The following SYPL1 variants were observed in gnomAD, a reference collection of about 807,000 sequenced individuals.
SYPL1 encodes the protein synaptophysin-like protein 1.
In SYPL1, 6 loss-of-function variants were observed where a neutral mutation model predicts 23.7. The observed-to-expected ratio is 0.25, with a 90% confidence interval of 0.14 to 0.50. The LOEUF (loss-of-function observed/expected upper bound fraction) is 0.50, where lower values mean the gene tolerates loss of function less well. SYPL1 is among the 20% of genes least tolerant of loss of function. The probability of loss-of-function intolerance (pLI) is 0.98; values close to 1 mark genes in which losing one functional copy is unlikely to be tolerated. For synonymous variants in SYPL1, 102 were observed against 104.5 expected (o/e 0.98, Z 0.15); for missense variants, 253 against 288.9 (o/e 0.88, Z 0.90).
Position 106,112,268 on chromosome 7 carries a change from G to A in SYPL1, c.-60C>T, listed in dbSNP as rs903281403. The stretch of plus-strand genomic sequence containing the variant: ...ACGGGGCGGAGGAGGGGACCGACGA[G>A]ACCAGAGCAGCCCGGTGGCGAGGAA... On this transcript the variant is annotated 5_prime_UTR_variant, in exon 1 of 5. Coordinates refer to ENST00000455385, the MANE Select transcript of SYPL1 (RefSeq NM_182715.4). 2 of 1,484,108 alleles carry A rather than the reference G, an allele frequency of 1.3e-6. No individual in the cohort carries two copies. Among genetic ancestry groups the A allele is most frequent in the Non-Finnish European group, 9.0e-7 (1 of 1,105,108 alleles). The allele number at this position is 1,484,108 out of a possible 1,614,324, so 91.9% of individuals were successfully genotyped here. A position where few individuals can be genotyped will look rare whatever the true frequency, so the allele number is the denominator to read the frequency against.
chr7:106,110,181 A>G (rs954965947), intron 1 of SYPL1, among the ~76,000 whole-genome samples: 4 of 152,188 alleles, frequency 2.6e-5, no homozygotes, highest in African/African-American at 9.7e-5. Context: ...AAATCTTTTC[A>G]GAACAATCTC....
intron 1 of SYPL1, among the ~76,000 whole-genome samples, chr7:106,102,257 G>A (rs1180159527): frequency 3.9e-5 from 6 of 152,028 alleles, no homozygotes; most frequent in Non-Finnish European, 5.9e-5. Flanking sequence ...CACCATGCCC[G>A]GCTAATTTTT....
At chr7:106,105,331 T>C (rs563872335) in intron 1 of SYPL1, among the ~76,000 whole-genome samples, 1 of 151,930 alleles carries the variant, frequency 6.6e-6, no homozygotes, top group African/African-American at 2.4e-5. Context: ...TTTTCCCATA[T>C]ACTCCTACCC....
At chr7:106,112,374 G>C (rs176502), upstream of SYPL1, 2 of 1,287,222 alleles carry the variant, frequency 1.6e-6, no homozygotes, top group Non-Finnish European at 9.8e-7. Flanking sequence ...GAGCGGCGGC[G>C]GTTGAGCTGC....
intron 1 of SYPL1, among the ~76,000 whole-genome samples, chr7:106,105,614 G>A (rs1215425088): frequency 6.6e-6 from 1 of 151,284 alleles, no homozygotes; most frequent in Non-Finnish European, 1.5e-5. Flanking sequence ...AAGTAGACTG[G>A]AGTACCAGAA....
upstream of SYPL1, chr7:106,112,514 A>T: frequency 6.6e-7 from 1 of 1,524,094 alleles, no homozygotes; most frequent in South Asian, 1.2e-5. Context: ...CGAACCAAGT[A>T]GATGTTGGGC....
chr7:106,111,024 G>C (rs937982400), intron 1 of SYPL1, among the ~76,000 whole-genome samples: 1 of 152,174 alleles, frequency 6.6e-6, no homozygotes, highest in African/African-American at 2.4e-5. Flanking sequence ...CGTCTTTCAA[G>C]TAGTCATTTG....
At position 106,091,933 on chromosome 7, in the gene SYPL1, C is replaced by G; in HGVS notation, c.598G>C (p.Gly200Arg). Residue 200 changes from glycine to arginine, a missense_variant, in exon 5 of 5, where the codon GGC (glycine) becomes CGC (arginine). Physicochemically the swap from Gly to Arg is moderately radical, Grantham distance 125. Coordinates refer to ENST00000455385, the MANE Select transcript of SYPL1 (RefSeq NM_182715.4). This position sits in a 1 kb window ranked among gnomAD's most constrained non-coding sequence, Gnocchi z 5.0. ...CCCCAGAGTATCATATTTAGAAAGC[C>G]AAATATCTATGAAAGAGAAAAAGAA... ...MGSLNVSVIF[G>R]FLNMILWGGN... 6.2e-7 allele frequency: 1 copy of G among 1,608,212 alleles called. No individual in the cohort carries two copies. The highest frequency in any genetic ancestry group is 8.5e-7 in the Non-Finnish European group (1 of 1,178,260).
intron 2 of SYPL1, 51 bp downstream of exon 2, chr7:106,099,107 C>T (rs1368716324): frequency 6.4e-7 from 1 of 1,571,710 alleles, no homozygotes; most frequent in East Asian, 2.2e-5. Flanking sequence ...CTTAATGACT[C>T]ACTGTGAAAG....
intron 1 of SYPL1, among the ~76,000 whole-genome samples, chr7:106,111,055 A>C (rs1025216077): frequency 4.6e-5 from 7 of 152,242 alleles, no homozygotes; most frequent in Non-Finnish European, 1.0e-4. Flanking sequence ...GCACTACTTC[A>C]GTTTTCAGAA....
intron 1 of SYPL1, among the ~76,000 whole-genome samples, chr7:106,107,215 G>T (rs1840647643): frequency 6.6e-6 from 1 of 152,188 alleles, no homozygotes; most frequent in Non-Finnish European, 1.5e-5. Context: ...ACAATCAAAA[G>T]ATTAGATGCC....
chr7:106,094,491 C>A (rs1585934815), intron 3 of SYPL1, among the ~76,000 whole-genome samples: 1 of 152,178 alleles, frequency 6.6e-6, no homozygotes, highest in Admixed American at 6.5e-5. Context: ...TCTGCTGCTA[C>A]TTGTCCTTTT....
chr7:106,112,169 G>A lies in SYPL1; in HGVS notation c.40C>T (p.Pro14Ser). Reference sequence around the variant, plus strand: ...TCGAGGACCTTGATGAAGCCGAGTGGCTCCTTGAGCGGGTTGAGGTTGATC... The same window carrying A: ...TCGAGGACCTTGATGAAGCCGAGTGACTCCTTGAGCGGGTTGAGGTTGATC... Reference protein sequence around the residue: ...FQINLNPLKEPLGFIKVLEWI... With the variant: ...FQINLNPLKESLGFIKVLEWI... The change falls in exon 1 of 5, where the codon CCA becomes TCA. Residue 14 changes from proline to serine, a missense_variant. Transcript: ENST00000455385. 1 of 1,544,904 alleles carries A rather than the reference G, an allele frequency of 6.5e-7. No homozygotes were observed. The highest frequency in any genetic ancestry group is 8.8e-7 in the Non-Finnish European group (1 of 1,138,192).
At position 106,109,587 on chromosome 7, in the gene SYPL1, T is replaced by C. The variant is rs889214113; in HGVS notation, c.69+2553A>G. On this transcript the variant is annotated intron_variant, in intron 1 of 4. Transcript: ENST00000455385. The surrounding 1 kb of genome is among the most constrained non-coding windows in gnomAD (Gnocchi z 4.3). ...ATATTTTAAATTCTAGATCCATATA[T>C]ATAGCTGTATCCTATAGGATACCTC... 2.0e-5 allele frequency among the ~76,000 whole-genome samples: 3 copies of C among 152,154 alleles called. No homozygotes were observed. Among genetic ancestry groups the C allele is most frequent in the Non-Finnish European group, 2.9e-5 (2 of 68,034 alleles).
chr7:106,092,687 A>AAAG (rs1563338300), intron 4 of SYPL1: 2 of 513,646 alleles, frequency 3.9e-6, no homozygotes, highest in African/African-American at 4.0e-5. Flanking sequence ...AAAAAAAAAA[A>AAAG]AAAAGAAATT....
intron 1 of SYPL1, among the ~76,000 whole-genome samples, chr7:106,103,982 T>C (rs1840457475): frequency 6.6e-6 from 1 of 152,236 alleles, no homozygotes; most frequent in African/African-American, 2.4e-5. Context: ...TCTAGATAGA[T>C]TTATCTGCAG....
At chr7:106,108,716 T>C (rs920648998) in intron 1 of SYPL1, among the ~76,000 whole-genome samples, 1 of 152,194 alleles carries the variant, frequency 6.6e-6, no homozygotes, top group Non-Finnish European at 1.5e-5. Context: ...TTCAGATTTA[T>C]TAATAATTAC....
chr7:106,097,130 G>A lies in SYPL1; in HGVS notation c.402+560C>T, dbSNP rs1047940281. Among the ~76,000 whole-genome samples the A allele has an allele frequency of 6.6e-6, 1 of 152,198 alleles. No individual in the cohort carries two copies. The highest frequency in any genetic ancestry group is 2.4e-5 in the African/African-American group (1 of 41,468). The stretch of plus-strand genomic sequence containing the variant: ...ACTCAGGAGGATCATTTGAGCCCAG[G>A]AGGTTGAGGCTGCAGCAAGCCAAGA... On this transcript the variant is annotated intron_variant, in intron 3 of 4. Coordinates refer to ENST00000455385, the MANE Select transcript of SYPL1 (RefSeq NM_182715.4). The surrounding 1 kb of genome is among the most constrained non-coding windows in gnomAD (Gnocchi z 4.6).
rs1409515566 is a variant in SYPL1 at position 106,091,743 on chromosome 7, A to C, written c.*62T>G. The C allele has an allele frequency of 6.6e-7, 1 of 1,516,042 alleles. No individual in the cohort carries two copies. Among genetic ancestry groups the C allele is most frequent in the Non-Finnish European group, 8.9e-7 (1 of 1,128,194 alleles). The allele number at this position is 1,516,042 out of a possible 1,614,324, so 93.9% of individuals were successfully genotyped here. ...TTATTAGAAACAAATAATGCTTCTCAAGGTGTTGGCAACATGTCATAGTAT... is the reference window on the plus strand; with the variant it reads ...TTATTAGAAACAAATAATGCTTCTCCAGGTGTTGGCAACATGTCATAGTAT... On this transcript the variant is annotated 3_prime_UTR_variant, in exon 5 of 5. Coordinates refer to ENST00000455385, the MANE Select transcript of SYPL1 (RefSeq NM_182715.4). The surrounding 1 kb of genome is among the most constrained non-coding windows in gnomAD (Gnocchi z 5.0).
Sources: gnomAD v4.1 joint callset for allele counts (sites outside exome capture counted in the v4.1 genomes callset) on GRCh38, gnomAD v4.1.1 for gene constraint, Gnocchi (gnomAD v3.1) non-coding constraint, MANE v1.5 for transcripts, NCBI Gene and HGNC (gene_info 2026-07-23, HGNC 2026-07-21) for gene names.